Variants in SLC4A10 observed in about 807,000 individuals in gnomAD.
SLC4A10 encodes sodium-driven chloride bicarbonate exchanger.
Under a neutral mutation model 137.7 loss-of-function variants are expected in SLC4A10, and 42 were observed. The observed-to-expected ratio is 0.30, with a 90% CI of 0.24 to 0.39. The LOEUF (loss-of-function observed/expected upper bound fraction) is 0.39, where lower values mean the gene tolerates loss of function less well. Ranked by LOEUF, SLC4A10 falls within the 10% of genes least tolerant of loss-of-function variation. The pLI is 1.00. For missense variants in SLC4A10, 925 were observed against 1,355.0 expected, an observed-to-expected ratio of 0.68 and a Z score of 4.98; for synonymous variants, 474 against 464.1, an observed-to-expected ratio of 1.02 and a Z score of -0.27.
In SLC4A10 at chr2:161,964,368, A is replaced by G. The variant is rs182167126; in HGVS notation, c.3036+60A>G. 7.6e-5 allele frequency: 116 copies of G among 1,524,096 alleles called. No homozygotes were observed. In the East Asian group the frequency reaches 2.5e-3, roughly 33 times the overall value. 94.4% of individuals were successfully genotyped at this position (1,524,096 alleles called of 1,614,324 possible). A position where few individuals can be genotyped will look rare whatever the true frequency, so the allele number is the denominator to read the frequency against. ...CTGATTTGCTGGTCTCTTTGGAAACATAAACACATGAATTGAAACTGGAAC... is the reference window on the plus strand; with the variant it reads ...CTGATTTGCTGGTCTCTTTGGAAACGTAAACACATGAATTGAAACTGGAAC... On this transcript the variant is annotated intron_variant, in intron 22 of 26. Transcript: ENST00000446997.
At chr2:161,717,901 A>C (rs1334361800) in intron 1 of SLC4A10, among the ~76,000 whole-genome samples, 1 of 152,158 alleles carries the variant, frequency 6.6e-6, no homozygotes, top group Non-Finnish European at 1.5e-5. Context: ...GGTAGAATTC[A>C]GCTGTAAATT....
intron 3 of SLC4A10, among the ~76,000 whole-genome samples, chr2:161,807,128 C>T (rs1416477407): frequency 6.6e-6 from 1 of 152,072 alleles, no homozygotes; most frequent in Non-Finnish European, 1.5e-5. Flanking sequence ...TGGACTTACT[C>T]ACTATCATGA....
intron 1 of SLC4A10, among the ~76,000 whole-genome samples, chr2:161,752,735 G>A (rs982025374): frequency 1.1e-4 from 17 of 152,112 alleles, no homozygotes; most frequent in Admixed American, 1.0e-3. Flanking sequence ...AGTACTGCAT[G>A]ATCTCACCTA....
intron 23 of SLC4A10, among the ~76,000 whole-genome samples, chr2:161,966,730 C>T (rs1252108345): frequency 1.5e-5 from 1 of 64,816 alleles, no homozygotes; most frequent in Non-Finnish European, 3.3e-5. Context: ...AGCGAGACTC[C>T]GTCTCAAAAA....
intron 26 of SLC4A10, among the ~76,000 whole-genome samples, chr2:161,981,536 C>G (rs879768443): frequency 1.3e-5 from 2 of 152,194 alleles, no homozygotes; most frequent in Admixed American, 6.5e-5. Context: ...TCTTCCAACA[C>G]CAAGCCCAGT....
intron 15 of SLC4A10, among the ~76,000 whole-genome samples, chr2:161,925,974 A>G (rs1220885236): frequency 1.3e-5 from 2 of 152,084 alleles, no homozygotes; most frequent in South Asian, 2.1e-4. Context: ...ACTTCCAACT[A>G]TGTGGTCAAT....
chr2:161,897,366 G>A (rs773591929), intron 11 of SLC4A10, among the ~76,000 whole-genome samples: 3 of 151,944 alleles, frequency 2.0e-5, no homozygotes, highest in Non-Finnish European at 4.4e-5. Flanking sequence ...CTTGCCTTTG[G>A]CCCTTGCCCT....
intron 24 of SLC4A10, among the ~76,000 whole-genome samples, chr2:161,974,910 G>T (rs1345501421): frequency 6.6e-6 from 1 of 152,048 alleles, no homozygotes; most frequent in Admixed American, 6.6e-5. Flanking sequence ...TCTCTTCTCT[G>T]TCTCCCTCTC....
chr2:161,725,250 C>T (rs1452625234), intron 1 of SLC4A10, among the ~76,000 whole-genome samples: 1 of 152,110 alleles, frequency 6.6e-6, no homozygotes, highest in Non-Finnish European at 1.5e-5. Flanking sequence ...GGCACATTGA[C>T]TAGAAGCATT....
At chr2:161,866,374 T>C (rs1330375575) in intron 6 of SLC4A10, among the ~76,000 whole-genome samples, 1 of 152,002 alleles carries the variant, frequency 6.6e-6, no homozygotes, top group Non-Finnish European at 1.5e-5. Context: ...GTCAATCTCA[T>C]CTCTAAACAC....
intron 1 of SLC4A10, among the ~76,000 whole-genome samples, chr2:161,744,728 A>C (rs937752877): frequency 1.3e-5 from 2 of 151,634 alleles, no homozygotes; most frequent in Non-Finnish European, 2.9e-5. Context: ...ACTAATAAAA[A>C]CTCCACACTT....
intron 1 of SLC4A10, among the ~76,000 whole-genome samples, chr2:161,730,184 T>C (rs2046676150): frequency 6.6e-6 from 1 of 152,224 alleles, no homozygotes; most frequent in South Asian, 2.1e-4. Flanking sequence ...GAGAGGAGCA[T>C]AATTCATACT....
In SLC4A10 at chr2:161,984,302, A is replaced by G. The variant is rs1356754180; in HGVS notation, c.*1150A>G. ...AGGTTCTGTAGATATTTCAGTCCAT[A>G]TAAAATAATACATCTTTACTAAACT... On this transcript the variant is annotated 3_prime_UTR_variant, in exon 27 of 27. Coordinates refer to ENST00000446997, the MANE Select transcript of SLC4A10 (RefSeq NM_001178015.2). The G allele has an allele frequency of 6.6e-6, 1 of 152,174 alleles. No individual in the cohort carries two copies. Among genetic ancestry groups the G allele is most frequent in the African/African-American group, 2.4e-5 (1 of 41,448 alleles). The allele number at this position is 152,174 out of a possible 1,614,324, so 9.4% of individuals were successfully genotyped here.
At chr2:161,893,137 A>G (rs1455310064) in intron 10 of SLC4A10, among the ~76,000 whole-genome samples, 1 of 152,112 alleles carries the variant, frequency 6.6e-6, no homozygotes, top group East Asian at 1.9e-4. Context: ...TGTACACCCA[A>G]GTAGAATATA....
chr2:161,767,865 C>A (rs563854974), intron 1 of SLC4A10, among the ~76,000 whole-genome samples: 2 of 152,104 alleles, frequency 1.3e-5, no homozygotes, highest in East Asian at 3.9e-4. Flanking sequence ...GGTTCCTCAC[C>A]TACAATTTTC....
intron 1 of SLC4A10, among the ~76,000 whole-genome samples, chr2:161,765,240 C>A (rs2050671165): frequency 6.6e-6 from 1 of 152,098 alleles, no homozygotes; most frequent in Admixed American, 6.6e-5. Flanking sequence ...GTATTTCTCA[C>A]TATGGGTCAT....
chr2:161,963,598 G>A (rs1697093983), intron 21 of SLC4A10, among the ~76,000 whole-genome samples: 3 of 152,110 alleles, frequency 2.0e-5, no homozygotes, highest in Non-Finnish European at 4.4e-5. Context: ...AAAATAAGGA[G>A]GTTAAAATAC....
intron 1 of SLC4A10, among the ~76,000 whole-genome samples, chr2:161,760,157 T>C (rs1375543710): frequency 6.6e-6 from 1 of 152,030 alleles, no homozygotes; most frequent in African/African-American, 2.4e-5. Flanking sequence ...AAAATAGCAC[T>C]CCTTCACTAT....
intron 8 of SLC4A10, among the ~76,000 whole-genome samples, chr2:161,876,934 C>T (rs2061483522): frequency 6.6e-6 from 1 of 151,848 alleles, no homozygotes; most frequent in East Asian, 1.9e-4. Flanking sequence ...AGTACTATAA[C>T]TTATTCCATT....
Sources: allele counts gnomAD v4.1 joint callset (sites outside exome capture counted in the v4.1 genomes callset), GRCh38; gene constraint gnomAD v4.1.1; transcripts MANE v1.5; gene names NCBI Gene and HGNC (gene_info 2026-07-23, HGNC 2026-07-21).